The following PPP1R14C variants were observed in gnomAD, a reference collection of about 807,000 sequenced individuals.
The protein encoded by PPP1R14C is protein phosphatase 1 regulatory inhibitor subunit 14C.
Under a neutral mutation model 20.4 loss-of-function variants are expected in PPP1R14C, and 16 were observed. That is an observed-to-expected ratio of 0.78 (90% confidence interval 0.53 to 1.19). PPP1R14C has a LOEUF of 1.19. Among genes scored for constraint, PPP1R14C ranks in the 50% most tolerant of loss-of-function variants. PPP1R14C has a pLI of 0.00. For synonymous variants in PPP1R14C, 91 were observed against 91.0 expected, an observed-to-expected ratio of 1.00 and a Z score of 0.00; for missense variants, 211 against 220.1, an observed-to-expected ratio of 0.96 and a Z score of 0.26.
At chr6:150,166,301 C>T (rs962970244) in intron 1 of PPP1R14C, among the ~76,000 whole-genome samples, 16 of 152,124 alleles carry the variant, frequency 1.1e-4, no homozygotes, top group Admixed American at 4.6e-4. Context: ...AGGATGGTCT[C>T]GATCTCCTGA....
intron 3 of PPP1R14C, among the ~76,000 whole-genome samples, chr6:150,219,741 T>C (rs1213966052): frequency 6.6e-6 from 1 of 152,244 alleles, no homozygotes; most frequent in Non-Finnish European, 1.5e-5. Flanking sequence ...CTGTTTTCTC[T>C]GAATCTTACC....
At chr6:150,176,873 AC>A (rs1408002241) in intron 1 of PPP1R14C, among the ~76,000 whole-genome samples, 2 of 152,150 alleles carry the variant, frequency 1.3e-5, no homozygotes, top group Non-Finnish European at 2.9e-5. Context: ...TGGGTTTTAT[AC>A]GGATGAGGCC....
chr6:150,177,177 C>T (rs1777572062), intron 1 of PPP1R14C, among the ~76,000 whole-genome samples: 1 of 152,166 alleles, frequency 6.6e-6, no homozygotes, highest in South Asian at 2.1e-4. Flanking sequence ...GTGGAAGCAG[C>T]ACAGATCTTC....
chr6:150,181,683 C>G lies in PPP1R14C; in HGVS notation c.307-33061C>G, dbSNP rs118113888. On this transcript the variant is annotated intron_variant, in intron 1 of 3. Coordinates refer to ENST00000361131, the MANE Select transcript of PPP1R14C (RefSeq NM_030949.3). ...TCTTGTTTCTAAACATAGTAAGATG[C>G]CTTTGTCCTTCCCCTTAATTGTACT... Among the ~76,000 whole-genome samples the G allele has an allele frequency of 2.1e-3, 317 of 152,246 alleles. 1 individual carries two copies. The highest frequency in any genetic ancestry group is 5.4e-3 in the South Asian group (26 of 4,824).
intron 1 of PPP1R14C, among the ~76,000 whole-genome samples, chr6:150,145,959 T>C (rs191356636): frequency 2.5e-4 from 38 of 152,304 alleles, no homozygotes; most frequent in Non-Finnish European, 5.1e-4. Flanking sequence ...TGGAGCAGTG[T>C]AAAGTGATGT....
intron 1 of PPP1R14C, among the ~76,000 whole-genome samples, chr6:150,147,305 G>T (rs911246430): frequency 3.9e-5 from 6 of 151,916 alleles, no homozygotes; most frequent in Admixed American, 3.9e-4. Flanking sequence ...TCTGCCTCCT[G>T]AGTAGCTGGG....
intron 3 of PPP1R14C, among the ~76,000 whole-genome samples, chr6:150,231,617 T>G (rs1394485994): frequency 6.6e-6 from 1 of 152,232 alleles, no homozygotes; most frequent in Non-Finnish European, 1.5e-5. Context: ...CTCCTCTTAT[T>G]TCTTATGCAC....
intron 3 of PPP1R14C, among the ~76,000 whole-genome samples, chr6:150,230,583 G>A (rs1382581996): frequency 6.6e-6 from 1 of 152,070 alleles, no homozygotes; most frequent in African/African-American, 2.4e-5. Flanking sequence ...GTCTGTTTTT[G>A]GAAAAGCTGG....
At chr6:150,178,150 C>T (rs1400595237) in intron 1 of PPP1R14C, among the ~76,000 whole-genome samples, 1 of 152,168 alleles carries the variant, frequency 6.6e-6, no homozygotes, top group East Asian at 1.9e-4. Context: ...TTGTGTGTGC[C>T]CTCCTACTCC....
intron 2 of PPP1R14C, 23 bp from the exon 3 acceptor site, chr6:150,216,801 A>T: frequency 6.5e-7 from 1 of 1,543,710 alleles, no homozygotes; most frequent in South Asian, 1.2e-5. Context: ...AATAAAACTG[A>T]TTTTCTGTGT....
At chr6:150,209,093 T>TC (rs1777988154) in intron 1 of PPP1R14C, among the ~76,000 whole-genome samples, 2 of 152,134 alleles carry the variant, frequency 1.3e-5, no homozygotes, top group African/African-American at 4.8e-5. Flanking sequence ...CATTTGCCAC[T>TC]CCCCACCCCT....
chr6:150,240,834 A>T (rs1394215827), intron 3 of PPP1R14C, among the ~76,000 whole-genome samples: 4 of 152,212 alleles, frequency 2.6e-5, no homozygotes, highest in African/African-American at 9.7e-5. Context: ...CTGCCTTAAC[A>T]TTGTAATATA....
intron 1 of PPP1R14C, among the ~76,000 whole-genome samples, chr6:150,169,365 A>G (rs535705369): frequency 6.6e-5 from 10 of 152,204 alleles, no homozygotes; most frequent in Non-Finnish European, 8.8e-5. Context: ...TTACTTCCTG[A>G]AATGTAAGTA....
At chr6:150,199,197 G>T (rs1187006506) in intron 1 of PPP1R14C, among the ~76,000 whole-genome samples, 1 of 152,088 alleles carries the variant, frequency 6.6e-6, no homozygotes, top group Admixed American at 6.5e-5. Context: ...AAGTTCATGG[G>T]GGTGATTCTG....
In PPP1R14C at chr6:150,223,640, A is replaced by G. The variant is rs79530874; in HGVS notation, c.423+6784A>G. ...CATATGCTTATTTGTCATCTATATAACTATAGATGTTAACTATGTCTGTTA... is the reference window on the plus strand; with the variant it reads ...CATATGCTTATTTGTCATCTATATAGCTATAGATGTTAACTATGTCTGTTA... On this transcript the variant is annotated intron_variant, in intron 3 of 3. Transcript: ENST00000361131. Among the ~76,000 whole-genome samples the G allele has an allele frequency of 5.0e-3, 765 of 151,934 alleles. 4 individuals carry two copies. Among genetic ancestry groups the G allele is most frequent in the Non-Finnish European group, 9.1e-3 (620 of 67,954 alleles).
At chr6:150,229,929 A>G (rs1224027376) in intron 3 of PPP1R14C, among the ~76,000 whole-genome samples, 1 of 152,166 alleles carries the variant, frequency 6.6e-6, no homozygotes, top group African/African-American at 2.4e-5. Flanking sequence ...ATGGTGGGCG[A>G]GAGGGCTTGC....
chr6:150,248,631 C>G, intron 3 of PPP1R14C, 115 bp from the exon 4 acceptor site: 1 of 665,816 alleles, frequency 1.5e-6, no homozygotes, highest in Non-Finnish European at 2.6e-6. Context: ...TTAACACATT[C>G]AACCAAATTC....
At chr6:150,233,234 G>T (rs1778314110) in intron 3 of PPP1R14C, among the ~76,000 whole-genome samples, 1 of 152,170 alleles carries the variant, frequency 6.6e-6, no homozygotes, top group East Asian at 1.9e-4. Flanking sequence ...GTGCAAAAAG[G>T]GGAGTGAGGA....
At chr6:150,202,366 C>G (rs548524617) in intron 1 of PPP1R14C, among the ~76,000 whole-genome samples, 1 of 152,218 alleles carries the variant, frequency 6.6e-6, no homozygotes, top group African/African-American at 2.4e-5. Flanking sequence ...AAGCCCACAC[C>G]TCCTTGCCTC....
Sources: gnomAD v4.1 joint callset for allele counts (sites outside exome capture counted in the v4.1 genomes callset) on GRCh38, gnomAD v4.1.1 for gene constraint, MANE v1.5 for transcripts, NCBI Gene and HGNC (gene_info 2026-07-23, HGNC 2026-07-21) for gene names.